Variants in LAMA2 observed in about 807,000 individuals in gnomAD.
The protein encoded by LAMA2 is laminin subunit alpha-2.
In LAMA2, 269 loss-of-function variants were observed where a neutral mutation model predicts 364.8. The ratio of observed to expected loss-of-function variants is 0.74; its 90% CI spans 0.67 to 0.82. LAMA2 has a LOEUF of 0.82. LAMA2 is among the 40% of genes least tolerant of loss of function. The probability of loss-of-function intolerance (pLI) is 0.00; values close to 1 mark genes in which losing one functional copy is unlikely to be tolerated. For missense variants in LAMA2, 3,807 were observed against 3,873.2 expected, an observed-to-expected ratio of 0.98 and a Z score of 0.45; for synonymous variants, 1,379 against 1,370.6, an observed-to-expected ratio of 1.01 and a Z score of -0.14.
intron 12 of LAMA2, among the ~76,000 whole-genome samples, chr6:129,223,262 A>C (rs1318199291): frequency 6.6e-6 from 1 of 152,092 alleles, no homozygotes; most frequent in African/African-American, 2.4e-5. Context: ...AGATGAGTAG[A>C]TTGCAAAAAT....
intron 1 of LAMA2, among the ~76,000 whole-genome samples, chr6:128,891,134 TTTTG>T (rs1248924669): frequency 6.6e-6 from 1 of 152,106 alleles, no homozygotes; most frequent in African/African-American, 2.4e-5. Flanking sequence ...AGGTATTAGA[TTTTG>T]TTTATCAAAA....
intron 1 of LAMA2, among the ~76,000 whole-genome samples, chr6:128,962,186 A>G (rs1321081662): frequency 3.6e-5 from 4 of 112,636 alleles, no homozygotes; most frequent in South Asian, 3.0e-4. Context: ...ATATATATAT[A>G]CACACATACA....
At chr6:129,375,956 A>G (rs1778352680) in intron 34 of LAMA2, among the ~76,000 whole-genome samples, 1 of 152,164 alleles carries the variant, frequency 6.6e-6, no homozygotes. Context: ...TCCCTCTTTC[A>G]TCCTTCATCA....
chr6:129,169,487 C>G (rs1394204111), intron 9 of LAMA2, among the ~76,000 whole-genome samples: 2 of 150,666 alleles, frequency 1.3e-5, no homozygotes, highest in Admixed American at 6.6e-5. Flanking sequence ...TATATTGAAC[C>G]AGCCTTGCAT....
At chr6:129,411,955 G>A (rs1371051196) in intron 40 of LAMA2, among the ~76,000 whole-genome samples, 1 of 152,054 alleles carries the variant, frequency 6.6e-6, no homozygotes, top group Non-Finnish European at 1.5e-5. Flanking sequence ...AAATGGGGCA[G>A]GTAGTCAGTT....
chr6:129,169,075 G>T (rs371869694), intron 9 of LAMA2, among the ~76,000 whole-genome samples: 1 of 152,090 alleles, frequency 6.6e-6, no homozygotes, highest in Non-Finnish European at 1.5e-5. Flanking sequence ...AGACAATGGG[G>T]TTTTCTAGAT....
intron 1 of LAMA2, among the ~76,000 whole-genome samples, chr6:128,904,548 G>A (rs535898952): frequency 6.6e-5 from 10 of 150,602 alleles, no homozygotes; most frequent in Non-Finnish European, 1.0e-4. Flanking sequence ...TCCGCCTCCC[G>A]GGTTCAAGTG....
At chr6:128,913,080 T>C (rs1044418569) in intron 1 of LAMA2, among the ~76,000 whole-genome samples, 2 of 152,142 alleles carry the variant, frequency 1.3e-5, no homozygotes, top group Non-Finnish European at 2.9e-5. Flanking sequence ...GAAAATAAGC[T>C]AAAAATTAAA....
chr6:129,145,199 T>C (rs955015911), intron 5 of LAMA2, among the ~76,000 whole-genome samples: 3 of 152,004 alleles, frequency 2.0e-5, no homozygotes, highest in Admixed American at 6.6e-5. Context: ...GCTGAATCAC[T>C]AGGGTTAATA....
chr6:129,255,414 A>C (rs1786584136), intron 14 of LAMA2, among the ~76,000 whole-genome samples: 1 of 146,750 alleles, frequency 6.8e-6, no homozygotes, highest in Admixed American at 6.7e-5. Flanking sequence ...TCAAAAAAAA[A>C]AAAAAAAAAA....
chr6:128,930,735 C>G (rs1476243360), intron 1 of LAMA2, among the ~76,000 whole-genome samples: 2 of 152,226 alleles, frequency 1.3e-5, no homozygotes, highest in Non-Finnish European at 2.9e-5. Context: ...TCCGATTATT[C>G]TACATCACTA....
intron 22 of LAMA2, among the ~76,000 whole-genome samples, chr6:129,305,793 G>A (rs892998029): frequency 2.7e-5 from 4 of 150,390 alleles, no homozygotes; most frequent in Non-Finnish European, 5.9e-5. Context: ...TTTGCTATTT[G>A]CTTTTGCTTG....
chr6:128,977,176 A>G (rs934950916), intron 1 of LAMA2, among the ~76,000 whole-genome samples: 3 of 150,040 alleles, frequency 2.0e-5, no homozygotes, highest in Non-Finnish European at 4.4e-5. Context: ...TTCTTAATAC[A>G]TAATGCTCTT....
rs139950489 is a variant in LAMA2 at position 129,352,611 on chromosome 6, C to G, written c.4524-553C>G. Among the ~76,000 whole-genome samples, 455 of 152,082 alleles carry G rather than the reference C, an allele frequency of 3.0e-3. 4 individuals carry two copies. The highest frequency in any genetic ancestry group is 0.01 in the African/African-American group (433 of 41,474). On this transcript the variant is annotated intron_variant, in intron 31 of 64. Transcript: ENST00000421865. ...CTGAAATTCATGAGTATAGGGAAGCCCAGAAGTCAATATAGAATTGCACTC... is the reference window on the plus strand; with the variant it reads ...CTGAAATTCATGAGTATAGGGAAGCGCAGAAGTCAATATAGAATTGCACTC...
At chr6:129,268,202 A>AT (rs765770971) in intron 16 of LAMA2, among the ~76,000 whole-genome samples, 8 of 152,126 alleles carry the variant, frequency 5.3e-5, no homozygotes, top group Non-Finnish European at 1.2e-4. Context: ...TCTATATAAG[A>AT]TTTTGTTTAA....
intron 4 of LAMA2, among the ~76,000 whole-genome samples, chr6:129,124,357 C>A (rs551711740): frequency 3.3e-5 from 5 of 152,294 alleles, no homozygotes; most frequent in Admixed American, 3.3e-4. Context: ...TTACTCATAG[C>A]TTGGGAAGAG....
At chr6:128,911,007 G>C (rs1777892640) in intron 1 of LAMA2, among the ~76,000 whole-genome samples, 1 of 151,202 alleles carries the variant, frequency 6.6e-6, no homozygotes, top group South Asian at 2.1e-4. Context: ...TAGATCTCCA[G>C]CTGCGTACTG....
At chr6:129,453,277 T>G in intron 46 of LAMA2, 146 bp downstream of exon 46, 1 of 744,606 alleles carries the variant, frequency 1.3e-6, no homozygotes, top group African/African-American at 1.8e-5. Context: ...CGTCTTACCT[T>G]ACAAAATTCT....
chr6:129,227,610 C>G (rs2115117705), intron 12 of LAMA2, among the ~76,000 whole-genome samples: 1 of 152,290 alleles, frequency 6.6e-6, no homozygotes, highest in South Asian at 2.1e-4. Flanking sequence ...CCCTGTTTGC[C>G]TGGGTATCAG....
Sources: gnomAD v4.1 joint callset for allele counts (sites outside exome capture counted in the v4.1 genomes callset) on GRCh38, gnomAD v4.1.1 for gene constraint, MANE v1.5 for transcripts, NCBI Gene and HGNC (gene_info 2026-07-23, HGNC 2026-07-21) for gene names.